The following IL5 variants were observed in gnomAD, a reference collection of about 807,000 sequenced individuals.
IL5 encodes the protein interleukin-5.
Under a neutral mutation model 16.3 loss-of-function variants are expected in IL5, and 12 were observed. The ratio of observed to expected loss-of-function variants is 0.74; its 90% CI spans 0.47 to 1.20. The LOEUF (loss-of-function observed/expected upper bound fraction) is 1.20, where lower values mean the gene tolerates loss of function less well. Among genes scored for constraint, IL5 ranks in the 50% most tolerant of loss-of-function variants. The pLI is 0.00. For missense variants in IL5, 159 were observed against 153.9 expected (o/e 1.03, Z -0.17); for synonymous variants, 54 against 56.6 (o/e 0.95, Z 0.21).
rs1749988804 is a variant in IL5 at position 132,556,579 on chromosome 5, G to A, written c.42+95C>T. On this transcript the variant is annotated intron_variant, in intron 1 of 2. Coordinates refer to the IL5 transcript ENST00000450655. ...CATTCCATTAACCGCCACTGCAATG[G>A]CGTCATCACATGTTATGTGATCACT... 5.7e-6 allele frequency: 4 copies of A among 705,666 alleles called. No homozygotes were observed. The African/African-American group carries it at 7.8e-5, about 14-fold the overall frequency. The allele number at this position is 705,666 out of a possible 1,614,324, so 43.7% of individuals were successfully genotyped here.
chr5:132,551,545 T>TGTGTGTGC (rs1171482075), intron 1 of IL5, among the ~76,000 whole-genome samples: 4 of 138,746 alleles, frequency 2.9e-5, no homozygotes, highest in African/African-American at 1.4e-4. Context: ...TGCGTGTGTG[T>TGTGTGTGC]GTGTGTGCGT....
At chr5:132,551,387 A>C (rs530382524) in intron 1 of IL5, among the ~76,000 whole-genome samples, 4 of 152,366 alleles carry the variant, frequency 2.6e-5, no homozygotes, top group African/African-American at 9.6e-5. Context: ...AACATTCACG[A>C]GAAAACAATA....
chr5:132,552,991 A>AT (rs1221254997), intron 1 of IL5, among the ~76,000 whole-genome samples: 1 of 151,860 alleles, frequency 6.6e-6, no homozygotes. Flanking sequence ...GCCTCAGAGA[A>AT]TTTTTTTATT....
intron 1 of IL5, among the ~76,000 whole-genome samples, chr5:132,549,049 C>G (rs1019720450): frequency 1.3e-5 from 2 of 151,976 alleles, no homozygotes. Flanking sequence ...ACTGTGGAAA[C>G]TCAAGAAGTC....
chr5:132,556,110 C>T (rs1749979001), intron 1 of IL5: 1 of 152,138 alleles, frequency 6.6e-6, no homozygotes, highest in Non-Finnish European at 1.5e-5. Flanking sequence ...ACTGGAGAAA[C>T]ATTTCCTACA....
In IL5 at chr5:132,541,784, C is replaced by A. The variant is rs1749695012; in HGVS notation, c.*27G>T. The A allele has an allele frequency of 6.7e-7, 1 of 1,486,214 alleles. No homozygotes were observed. The highest frequency in any genetic ancestry group is 1.2e-5 in the South Asian group (1 of 86,556). The allele number at this position is 1,486,214 out of a possible 1,614,324, so 92.1% of individuals were successfully genotyped here. A position where few individuals can be genotyped will look rare whatever the true frequency, so the allele number is the denominator to read the frequency against. ...GTAAAATGTCCTTCTCCTCCAAAAT[C>A]TTTGGCTGCAACAAACCAGTTTAGT... On this transcript the variant is annotated 3_prime_UTR_variant, in exon 4 of 4. Coordinates refer to ENST00000231454, the MANE Select transcript of IL5 (RefSeq NM_000879.3).
At chr5:132,546,634 T>C (rs113432520), upstream of IL5, among the ~76,000 whole-genome samples, 1,031 of 152,316 alleles carry the variant, frequency 6.8e-3, 14 homozygotes, top group African/African-American at 0.023. Flanking sequence ...AAATTTCTTA[T>C]AAAGTTTTCG....
upstream of IL5, among the ~76,000 whole-genome samples, chr5:132,547,591 C>G (rs1400891745): frequency 6.6e-6 from 1 of 152,138 alleles, no homozygotes; most frequent in Non-Finnish European, 1.5e-5. Flanking sequence ...ACAACGGGCA[C>G]AACTAAGGGA....
chr5:132,543,535 C>T (rs945458944), upstream of IL5: 16 of 1,496,424 alleles, frequency 1.1e-5, no homozygotes, highest in African/African-American at 4.2e-5. Flanking sequence ...TACAAGACTG[C>T]GTCCCCAGTC....
chr5:132,541,825 T>C lies in IL5; in HGVS notation c.391A>G (p.Ile131Val). ...CCAGTTTAGTCTCAACTTTCTATTATCCACTCGGTGTTCATTACACCAAGA... is the reference window on the plus strand; with the variant it reads ...CCAGTTTAGTCTCAACTTTCTATTACCCACTCGGTGTTCATTACACCAAGA... ...EFLGVMNTEW[I>V]IES Residue 131 changes from isoleucine (I) to valine (V), a missense_variant, in exon 4 of 4, where the codon ATA becomes GTA. Coordinates refer to ENST00000231454, the MANE Select transcript of IL5 (RefSeq NM_000879.3). The C allele has an allele frequency of 6.2e-7, 1 of 1,610,804 alleles. No homozygotes were observed. The highest frequency in any genetic ancestry group is 8.5e-7 in the Non-Finnish European group (1 of 1,177,340).
upstream of IL5, among the ~76,000 whole-genome samples, chr5:132,547,452 C>T (rs1749812012): frequency 6.6e-6 from 1 of 152,198 alleles, no homozygotes; most frequent in South Asian, 2.1e-4. Context: ...GACCAGTACT[C>T]CTTAAAACTG....
chr5:132,550,832 G>A (rs1749872416), intron 1 of IL5, among the ~76,000 whole-genome samples: 1 of 152,180 alleles, frequency 6.6e-6, no homozygotes, highest in Non-Finnish European at 1.5e-5. Flanking sequence ...CAAAGAGTTT[G>A]ATAAATATGC....
intron 1 of IL5, among the ~76,000 whole-genome samples, chr5:132,554,366 C>CAA (rs70974050): frequency 4.3e-4 from 35 of 80,966 alleles, no homozygotes; most frequent in African/African-American, 1.6e-3. Context: ...GACTCCATCT[C>CAA]AAAAAAAAAA....
rs772336303 is a variant in IL5, at chr5:132,543,351, A to C, written c.128T>G (p.Leu43Arg). 3.7e-6 allele frequency: 6 copies of C among 1,614,150 alleles called. No individual in the cohort carries two copies. In the Admixed American group the frequency reaches 1.0e-4, roughly 27 times the overall value. Residue 43 changes from leucine (L) to arginine (R), a missense_variant, in exon 1 of 4, where the codon CTG (leucine) becomes CGG (arginine). Leu to Arg is a moderately radical substitution (Grantham distance 102). Coordinates refer to ENST00000231454, the MANE Select transcript of IL5 (RefSeq NM_000879.3). The part of the protein sequence containing the change: ...TLALLSTHRT[L>R]LIANETLRIP... ...GAAAATTACCTCATTGGCTATCAGC[A>C]GAGTTCGATGAGTAGAAAGCAGTGC...
chr5:132,543,591 G>T (rs1235069937), upstream of IL5: 3 of 1,037,364 alleles, frequency 2.9e-6, no homozygotes, highest in Non-Finnish European at 1.3e-6. Context: ...CTAACAATCA[G>T]ATAGAGAATG....
chr5:132,551,631 T>C (rs548333331), intron 1 of IL5, among the ~76,000 whole-genome samples: 8 of 152,282 alleles, frequency 5.3e-5, no homozygotes, highest in East Asian at 3.9e-4. Flanking sequence ...CCTGAGCTGA[T>C]GGGAAAAGCT....
At chr5:132,547,061 A>C (rs1256926416), upstream of IL5, among the ~76,000 whole-genome samples, 3 of 152,192 alleles carry the variant, frequency 2.0e-5, no homozygotes, top group Non-Finnish European at 4.4e-5. Context: ...GCAAAACTCC[A>C]AATAAAAGTT....
intron 1 of IL5, among the ~76,000 whole-genome samples, chr5:132,555,782 T>G (rs989670001): frequency 4.6e-5 from 7 of 152,266 alleles, no homozygotes; most frequent in Non-Finnish European, 5.9e-5. Context: ...CCCAAAGTGC[T>G]GGGATTACAG....
At chr5:132,544,345 C>G (rs1259579257), upstream of IL5, among the ~76,000 whole-genome samples, 1 of 152,130 alleles carries the variant, frequency 6.6e-6, no homozygotes, top group Non-Finnish European at 1.5e-5. Context: ...TGAACTGTGA[C>G]CAGGGTGTAG....
Sources: gnomAD v4.1 joint callset for allele counts (sites outside exome capture counted in the v4.1 genomes callset) on GRCh38, gnomAD v4.1.1 for gene constraint, MANE v1.5 for transcripts, NCBI Gene and HGNC (gene_info 2026-07-23, HGNC 2026-07-21) for gene names.